CNTNAP2: variants seen among roughly 807,000 people sequenced by gnomAD.
The protein encoded by CNTNAP2 is contactin associated protein 2.
CNTNAP2 carries 98 observed loss-of-function variants against 155.2 expected under a neutral mutation model. The ratio of observed to expected loss-of-function variants is 0.63; its 90% CI spans 0.54 to 0.75. The LOEUF is 0.75. CNTNAP2 is among the 30% of genes least tolerant of loss of function. CNTNAP2 has a pLI of 0.00. For missense variants in CNTNAP2, 1,727 were observed against 1,688.1 expected, an observed-to-expected ratio of 1.02 and a Z score of -0.40; for synonymous variants, 651 against 631.2, an observed-to-expected ratio of 1.03 and a Z score of -0.47.
At chr7:146,597,106 G>A (rs1353391870) in intron 1 of CNTNAP2, among the ~76,000 whole-genome samples, 1 of 152,036 alleles carries the variant, frequency 6.6e-6, no homozygotes, top group Non-Finnish European at 1.5e-5. Flanking sequence ...GGAGAGCACT[G>A]TATTCTTATT....
intron 1 of CNTNAP2, among the ~76,000 whole-genome samples, chr7:146,131,610 A>G (rs1010421723): frequency 1.3e-5 from 2 of 152,246 alleles, no homozygotes; most frequent in African/African-American, 4.8e-5. Flanking sequence ...ATAGAATATT[A>G]TAGGTCTTGC....
chr7:147,719,359 T>G (rs1205593668), intron 13 of CNTNAP2, among the ~76,000 whole-genome samples: 5 of 152,134 alleles, frequency 3.3e-5, no homozygotes. Flanking sequence ...AATGACTGAT[T>G]GAACAAATTA....
At chr7:147,110,649 G>A (rs954903884) in intron 5 of CNTNAP2, among the ~76,000 whole-genome samples, 2 of 152,078 alleles carry the variant, frequency 1.3e-5, no homozygotes, top group African/African-American at 4.8e-5. Context: ...TCCTGCATTA[G>A]TTTGCTGAGG....
intron 15 of CNTNAP2, among the ~76,000 whole-genome samples, chr7:148,041,457 A>C (rs1035975742): frequency 6.6e-6 from 1 of 152,226 alleles, no homozygotes; most frequent in African/African-American, 2.4e-5. Flanking sequence ...TTTGGAGTAG[A>C]GGCAGGCAAG....
intron 13 of CNTNAP2, among the ~76,000 whole-genome samples, chr7:147,713,369 G>C (rs1368020170): frequency 1.3e-5 from 2 of 152,010 alleles, no homozygotes; most frequent in Non-Finnish European, 2.9e-5. Context: ...TCCATTTCCT[G>C]CCTCTATAGT....
intron 3 of CNTNAP2, among the ~76,000 whole-genome samples, chr7:146,961,946 A>C (rs896503368): frequency 1.3e-5 from 2 of 152,174 alleles, no homozygotes; most frequent in Non-Finnish European, 2.9e-5. Context: ...TTGAGGTCAT[A>C]GAGAGACTTA....
intron 20 of CNTNAP2, among the ~76,000 whole-genome samples, chr7:148,237,373 T>C (rs1796060750): frequency 6.6e-6 from 1 of 152,164 alleles, no homozygotes; most frequent in South Asian, 2.1e-4. Context: ...ATGCTATAAC[T>C]ATAAGGCTTT....
chr7:147,642,943 C>T (rs1163037322), intron 13 of CNTNAP2, among the ~76,000 whole-genome samples: 1 of 152,114 alleles, frequency 6.6e-6, no homozygotes, highest in Non-Finnish European at 1.5e-5. Context: ...TAAGTGTTAC[C>T]TCACCCAACC....
chr7:147,259,039 C>T (rs935244669), intron 8 of CNTNAP2, among the ~76,000 whole-genome samples: 1 of 152,160 alleles, frequency 6.6e-6, no homozygotes, highest in Non-Finnish European at 1.5e-5. Flanking sequence ...AGGTACAAGT[C>T]ACATAACTAT....
intron 13 of CNTNAP2, among the ~76,000 whole-genome samples, chr7:147,696,151 G>C (rs1031473736): frequency 4.6e-4 from 70 of 152,018 alleles, no homozygotes; most frequent in Non-Finnish European, 1.8e-4. Context: ...TCTTTTAATT[G>C]GGGAATTTAG....
chr7:148,236,797 G>C (rs532231905), intron 20 of CNTNAP2, among the ~76,000 whole-genome samples: 1 of 152,358 alleles, frequency 6.6e-6, no homozygotes, highest in East Asian at 1.9e-4. Flanking sequence ...ACAGCAAAGG[G>C]AAAGTAGGCT....
rs1802957924 is a variant in CNTNAP2, at chr7:147,203,321, T to C, written c.1348+70812T>C. Among the ~76,000 whole-genome samples the C allele has an allele frequency of 3.3e-5, 5 of 152,286 alleles. No homozygotes were observed. The South Asian group carries it at 1.0e-3, about 32-fold the overall frequency. On this transcript the variant is annotated intron_variant, in intron 8 of 23. Transcript: ENST00000361727. Reference sequence around the variant, plus strand: ...GTGCAATGGTGTGATCTTGGCTCACTGCAAACTCGGCCTCCCAGGTTCAAG... The same window carrying C: ...GTGCAATGGTGTGATCTTGGCTCACCGCAAACTCGGCCTCCCAGGTTCAAG...
intron 3 of CNTNAP2, among the ~76,000 whole-genome samples, chr7:146,842,993 A>ATTTTTT (rs1257696854): frequency 5.0e-4 from 12 of 24,208 alleles, no homozygotes; most frequent in Non-Finnish European, 8.5e-4. Flanking sequence ...CCTGTCCCAC[A>ATTTTTT]CTTTTTTTTT....
chr7:147,079,431 C>T (rs1477302868), intron 4 of CNTNAP2, among the ~76,000 whole-genome samples: 1 of 151,890 alleles, frequency 6.6e-6, no homozygotes, highest in Non-Finnish European at 1.5e-5. Context: ...TCAAAAGACC[C>T]ACAGCCTGAC....
intron 13 of CNTNAP2, among the ~76,000 whole-genome samples, chr7:147,784,296 A>G (rs1252492806): frequency 6.7e-6 from 1 of 150,016 alleles, no homozygotes; most frequent in Non-Finnish European, 1.5e-5. Context: ...ACCCATAACA[A>G]TGCTCATTTG....
chr7:146,622,235 G>C (rs1465859001), intron 1 of CNTNAP2, among the ~76,000 whole-genome samples: 1 of 134,234 alleles, frequency 7.4e-6, no homozygotes, highest in African/African-American at 2.7e-5. Flanking sequence ...ATATATATAT[G>C]TGTGTGTATA....
At chr7:147,848,424 C>T (rs932864693) in intron 13 of CNTNAP2, among the ~76,000 whole-genome samples, 2 of 150,960 alleles carry the variant, frequency 1.3e-5, no homozygotes, top group African/African-American at 4.9e-5. Context: ...TTGCGCTTCC[C>T]AGGTGAGGCA....
intron 13 of CNTNAP2, among the ~76,000 whole-genome samples, chr7:147,900,281 A>G (rs898320868): frequency 2.0e-5 from 3 of 152,042 alleles, no homozygotes; most frequent in Non-Finnish European, 4.4e-5. Context: ...CCATGTGTCA[A>G]GGGGGGGACT....
chr7:148,258,378 C>T (rs1796494286), intron 20 of CNTNAP2, among the ~76,000 whole-genome samples: 1 of 152,204 alleles, frequency 6.6e-6, no homozygotes, highest in African/African-American at 2.4e-5. Context: ...GCTCCATGTC[C>T]TCTCCATTAT....
Sources: gnomAD v4.1 joint callset for allele counts (sites outside exome capture counted in the v4.1 genomes callset) on GRCh38, gnomAD v4.1.1 for gene constraint, MANE v1.5 for transcripts, NCBI Gene and HGNC (gene_info 2026-07-23, HGNC 2026-07-21) for gene names.